The following ARK2C variants were observed in gnomAD, a reference collection of about 807,000 sequenced individuals.
ARK2C encodes arkadia (RNF111) C-terminal like ring finger ubiquitin ligase 2C, also known as E3 ubiquitin-protein ligase ARK2C.
chr18:46,403,781 G>A, the ARK2C span, among the ~76,000 whole-genome samples: 1 of 152,186 alleles, frequency 6.6e-6, no homozygotes, highest in Non-Finnish European at 1.5e-5. Context: ...GGGAGGCTGA[G>A]GCAGGAGAAT....
the ARK2C span, among the ~76,000 whole-genome samples, chr18:46,404,159 C>T: frequency 1.3e-5 from 2 of 152,078 alleles, no homozygotes; most frequent in Non-Finnish European, 2.9e-5. Flanking sequence ...GTCTAAAACC[C>T]CTCAGCTATG....
the ARK2C span, chr18:46,336,017 A>G: frequency 2.0e-6 from 2 of 985,360 alleles, no homozygotes; most frequent in Non-Finnish European, 2.4e-6. Context: ...AAGCGGCAGT[A>G]TCCCCTATCT....
the ARK2C span, among the ~76,000 whole-genome samples, chr18:46,347,769 G>C: frequency 6.6e-6 from 1 of 152,138 alleles, no homozygotes; most frequent in Non-Finnish European, 1.5e-5. Flanking sequence ...GGAAATAAAA[G>C]GAAGGGGGAA....
chr18:46,374,428 C>A, the ARK2C span, among the ~76,000 whole-genome samples: 1 of 152,108 alleles, frequency 6.6e-6, no homozygotes, highest in African/African-American at 2.4e-5. Context: ...ATTCTCCTCC[C>A]GCCAGCCCCT....
the ARK2C span, among the ~76,000 whole-genome samples, chr18:46,396,777 C>T: frequency 2.6e-5 from 4 of 152,180 alleles, no homozygotes; most frequent in South Asian, 2.1e-4. Context: ...ATGTGCACCA[C>T]GCCTATGTCG....
At chr18:46,369,371 G>A in the ARK2C span, among the ~76,000 whole-genome samples, 493 of 152,134 alleles carry the variant, frequency 3.2e-3, 1 homozygote, top group African/African-American at 0.012. Context: ...ATCCTGGTGT[G>A]TGTGTGTGCT....
At chr18:46,373,592 T>G in the ARK2C span, among the ~76,000 whole-genome samples, 1 of 152,194 alleles carries the variant, frequency 6.6e-6, no homozygotes, top group Non-Finnish European at 1.5e-5. Context: ...GAGGGCTTTA[T>G]AGATCCCCAG....
chr18:46,394,855 G>C, the ARK2C span, among the ~76,000 whole-genome samples: 26,672 of 152,166 alleles, frequency 0.18, 2,629 homozygotes, highest in East Asian at 0.37. Context: ...TTACAGGCTA[G>C]TTCTTTGAAA....
the ARK2C span, among the ~76,000 whole-genome samples, chr18:46,412,878 C>T: frequency 1.3e-5 from 2 of 152,052 alleles, no homozygotes; most frequent in East Asian, 1.9e-4. Flanking sequence ...AAAGGGGAGC[C>T]CTTTGGTCAA....
the ARK2C span, among the ~76,000 whole-genome samples, chr18:46,418,714 A>G: frequency 7.9e-4 from 120 of 152,378 alleles, no homozygotes; most frequent in African/African-American, 2.8e-3. Context: ...TCAAATTCTG[A>G]ATCAAATACA....
the ARK2C span, among the ~76,000 whole-genome samples, chr18:46,422,763 C>T: frequency 1.3e-5 from 2 of 152,204 alleles, no homozygotes; most frequent in African/African-American, 2.4e-5. Context: ...GTCACACCCC[C>T]GCCCTTTGCT....
At chr18:46,458,966 G>A in the ARK2C span, 1 of 152,258 alleles carries the variant, frequency 6.6e-6, no homozygotes, top group Non-Finnish European at 1.5e-5. Context: ...AAGTACATCT[G>A]AGTCAGGATT....
the ARK2C span, among the ~76,000 whole-genome samples, chr18:46,422,570 A>G: frequency 6.6e-6 from 1 of 152,170 alleles, no homozygotes; most frequent in Non-Finnish European, 1.5e-5. Context: ...AGGACCCAAG[A>G]CTTGCTCTCT....
At chr18:46,446,645 T>C in the ARK2C span, among the ~76,000 whole-genome samples, 3 of 125,330 alleles carry the variant, frequency 2.4e-5, no homozygotes, top group African/African-American at 6.4e-5. Context: ...CACTCCAGCC[T>C]GTGTGACAGA....
chr18:46,352,374 G>A, the ARK2C span, among the ~76,000 whole-genome samples: 3 of 152,214 alleles, frequency 2.0e-5, no homozygotes, highest in African/African-American at 7.2e-5. Context: ...CTTATTTCAT[G>A]TGGACCAGAG....
chr18:46,389,542 G>C, the ARK2C span, among the ~76,000 whole-genome samples: 2 of 152,164 alleles, frequency 1.3e-5, no homozygotes, highest in Non-Finnish European at 2.9e-5. Context: ...CCCCGGTCTA[G>C]AGTTTGCTGT....
the ARK2C span, chr18:46,334,671 C>CGTGTGTGT: frequency 3.7e-4 from 113 of 304,794 alleles, no homozygotes; most frequent in Non-Finnish European, 5.1e-4. This position sits in a 1 kb window ranked among gnomAD's most constrained non-coding sequence, Gnocchi z 4.4. Context: ...GATACATGAC[C>CGTGTGTGT]GTGTGTGTGT....
At chr18:46,346,029 A>G in the ARK2C span, among the ~76,000 whole-genome samples, 17 of 152,180 alleles carry the variant, frequency 1.1e-4, no homozygotes, top group Admixed American at 1.0e-3. Flanking sequence ...TTTTGACTCA[A>G]TGCCATTTGT....
the ARK2C span, chr18:46,450,796 G>A: frequency 3.1e-6 from 5 of 1,612,350 alleles, no homozygotes; most frequent in Non-Finnish European, 4.2e-6. Context: ...ACAAGTATAA[G>A]AAGGTGGGTC....
Sources: gnomAD v4.1 joint callset for allele counts (sites outside exome capture counted in the v4.1 genomes callset) on GRCh38, gnomAD v4.1.1 for gene constraint, Gnocchi (gnomAD v3.1) non-coding constraint, MANE v1.5 for transcripts, NCBI Gene and HGNC (gene_info 2026-07-23, HGNC 2026-07-21) for gene names.